Variants in CCL17 observed in about 807,000 individuals in gnomAD.
The protein encoded by CCL17 is C-C motif chemokine 17.
CCL17 carries 8 observed loss-of-function variants against 7.4 expected under a neutral mutation model. The ratio of observed to expected loss-of-function variants is 1.09; its 90% CI spans 0.64 to 1.96. The LOEUF (loss-of-function observed/expected upper bound fraction) is 1.96, where lower values mean the gene tolerates loss of function less well. Ranked by LOEUF, CCL17 falls within the 30% of genes most tolerant of loss-of-function variation. CCL17 has a pLI of 0.00. For missense variants in CCL17, 102 were observed against 113.0 expected, an observed-to-expected ratio of 0.90 and a Z score of 0.44; for synonymous variants, 40 against 46.1, an observed-to-expected ratio of 0.87 and a Z score of 0.54.
chr16:57,415,799 G>A lies in CCL17; in HGVS notation c.223G>A (p.Asp75Asn). 1 of 1,613,680 alleles carries A rather than the reference G, an allele frequency of 6.2e-7. No individual in the cohort carries two copies. Among genetic ancestry groups the A allele is most frequent in the Non-Finnish European group, 8.5e-7 (1 of 1,179,564 alleles). The change falls in exon 4 of 4, where the codon GAC (aspartate) becomes AAC (asparagine). Residue 75 changes from aspartate to asparagine, a missense_variant. By Grantham distance (23) the Asp-to-Asn change is conservative. Coordinates refer to ENST00000219244, the MANE Select transcript of CCL17 (RefSeq NM_002987.3). This position sits in a 1 kb window ranked among gnomAD's most constrained non-coding sequence, Gnocchi z 4.5. Reference protein sequence around the residue: ...VTVQGRAICSDPNNKRVKNAV... With the variant: ...VTVQGRAICSNPNNKRVKNAV... ...TGTGCAGGGCAGGGCCATCTGTTCG[G>A]ACCCCAACAACAAGAGAGTGAAGAA...
chr16:57,402,379 C>T (rs1168170548), upstream of CCL17, among the ~76,000 whole-genome samples: 1 of 152,188 alleles, frequency 6.6e-6, no homozygotes, highest in African/African-American at 2.4e-5. Context: ...GAGGCTTCTT[C>T]CCAGGATGCT....
chr16:57,411,218 A>G (rs1567563477), intron 1 of CCL17, among the ~76,000 whole-genome samples: 1 of 152,068 alleles, frequency 6.6e-6, no homozygotes, highest in Admixed American at 6.5e-5. Flanking sequence ...GCATGTCCCT[A>G]TGAGGGGTCA....
At chr16:57,411,482 G>A (rs552610085) in intron 1 of CCL17, among the ~76,000 whole-genome samples, 1 of 152,340 alleles carries the variant, frequency 6.6e-6, no homozygotes, top group African/African-American at 2.4e-5. Flanking sequence ...GCAGGAAAGC[G>A]AAGAGGACTC....
At chr16:57,398,813 G>A in the CCL17 span, among the ~76,000 whole-genome samples, 1 of 152,312 alleles carries the variant, frequency 6.6e-6, no homozygotes, top group East Asian at 1.9e-4. Flanking sequence ...GTAGCCAAAA[G>A]TAAATCATCC....
chr16:57,413,962 C>A lies in CCL17; in HGVS notation c.30C>A (p.Val10=), dbSNP rs752055651. 74 of 1,610,748 alleles carry A rather than the reference C, an allele frequency of 4.6e-5. No homozygotes were observed. Among genetic ancestry groups the A allele is most frequent in the Non-Finnish European group, 6.1e-5 (72 of 1,178,790 alleles). ...CCCCACTGAAGATGCTGGCCCTGGT[C>A]ACCCTCCTCCTGGGGGCTTCTCTGC... The part of the protein sequence containing the change: MAPLKMLAL[V]TLLLGASLQH... Residue 10 remains valine, a synonymous_variant, in exon 2 of 4, where the codon GTC becomes GTA. Transcript: ENST00000219244.
upstream of CCL17, among the ~76,000 whole-genome samples, chr16:57,401,524 GAAA>G (rs148565902): frequency 8.1e-6 from 1 of 124,118 alleles, no homozygotes; most frequent in Non-Finnish European, 1.7e-5. Context: ...ACTCTGTCTG[GAAA>G]AAAAAAAAAA....
chr16:57,405,642 G>A (rs1159448726), intron 1 of CCL17, among the ~76,000 whole-genome samples: 1 of 152,172 alleles, frequency 6.6e-6, no homozygotes, highest in Non-Finnish European at 1.5e-5. Flanking sequence ...AAGGCAGAGA[G>A]AGCTGAGGGG....
At chr16:57,401,566 G>A (rs1902592089), upstream of CCL17, among the ~76,000 whole-genome samples, 1 of 151,836 alleles carries the variant, frequency 6.6e-6, no homozygotes, top group African/African-American at 2.4e-5. Flanking sequence ...CATGAACAAT[G>A]CTATATATTG....
intron 1 of CCL17, among the ~76,000 whole-genome samples, chr16:57,411,937 C>T (rs1288194183): frequency 2.0e-5 from 3 of 152,154 alleles, no homozygotes; most frequent in Non-Finnish European, 2.9e-5. Flanking sequence ...CTCCCCTCCC[C>T]CTCCTCTGCA....
intron 1 of CCL17, among the ~76,000 whole-genome samples, chr16:57,409,822 CA>C (rs770306955): frequency 1.8e-4 from 27 of 152,108 alleles, no homozygotes; most frequent in Admixed American, 1.3e-3. Flanking sequence ...ATTTTGGGGT[CA>C]GGGGTGGAAA....
upstream of CCL17, among the ~76,000 whole-genome samples, chr16:57,402,285 C>T (rs1902605277): frequency 6.6e-6 from 1 of 152,242 alleles, no homozygotes. Flanking sequence ...GTCGTGACCC[C>T]ATTCCCTGCT....
At chr16:57,414,927 CACAT>C (rs1902844534) in intron 2 of CCL17, among the ~76,000 whole-genome samples, 150 bp from the exon 3 acceptor site, 1 of 152,020 alleles carries the variant, frequency 6.6e-6, no homozygotes, top group South Asian at 2.1e-4. Context: ...CAGACACACA[CACAT>C]ACACATAGGC....
rs1198659811 is a variant in CCL17, at chr16:57,404,816, G to C, written c.-80G>C. The C allele has an allele frequency of 6.5e-6, 1 of 154,382 alleles. No homozygotes were observed. The highest frequency in any genetic ancestry group is 1.5e-5 in the Non-Finnish European group (1 of 68,224). The allele number at this position is 154,382 out of a possible 1,614,324, so 9.6% of individuals were successfully genotyped here. A position where few individuals can be genotyped will look rare whatever the true frequency, so the allele number is the denominator to read the frequency against. ...TCACAGTGTCACCGCCTGCTGATGG[G>C]AGAGCTGAATTCAAAACCAGGTGAC... On this transcript the variant is annotated 5_prime_UTR_variant, in exon 1 of 4. Transcript: ENST00000219244.
the CCL17 span, among the ~76,000 whole-genome samples, chr16:57,398,835 G>A: frequency 1.2e-4 from 18 of 152,172 alleles, no homozygotes; most frequent in African/African-American, 4.3e-4. Context: ...CATACTGAAG[G>A]ACCAGAGTCC....
intron 2 of CCL17, among the ~76,000 whole-genome samples, chr16:57,414,773 CGCACAGAT>C (rs1902841590): frequency 6.6e-6 from 1 of 151,976 alleles, no homozygotes; most frequent in Non-Finnish European, 1.5e-5. Flanking sequence ...TACAGGGACG[CGCACAGAT>C]GCACAGAGAC....
chr16:57,408,089 A>T (rs1289204412), intron 1 of CCL17, among the ~76,000 whole-genome samples: 1 of 151,178 alleles, frequency 6.6e-6, no homozygotes, highest in Admixed American at 6.6e-5. Flanking sequence ...CCATCTACCC[A>T]TCCATTTATC....
At chr16:57,413,747 TCTC>T (rs1369638141) in intron 1 of CCL17, 124 bp from the exon 2 acceptor site, 4 of 504,094 alleles carry the variant, frequency 7.9e-6, no homozygotes, top group Non-Finnish European at 1.4e-5. Flanking sequence ...GAGCTAGACT[TCTC>T]CTGAATCATC....
chr16:57,412,853 C>T (rs902844973), intron 1 of CCL17, among the ~76,000 whole-genome samples: 5 of 152,192 alleles, frequency 3.3e-5, no homozygotes, highest in Admixed American at 2.6e-4. Context: ...GGGACTGACC[C>T]GCATGCAGTG....
In CCL17 at chr16:57,415,318, C is replaced by T. The variant is rs1902852780; in HGVS notation, c.188+120C>T. 1.7e-5 allele frequency: 12 copies of T among 710,392 alleles called. No homozygotes were observed. The highest frequency in any genetic ancestry group is 1.6e-4 in the South Asian group (10 of 64,114). 44.0% of individuals were successfully genotyped at this position (710,392 alleles called of 1,614,324 possible). A position where few individuals can be genotyped will look rare whatever the true frequency, so the allele number is the denominator to read the frequency against. On this transcript the variant is annotated intron_variant, in intron 3 of 3. Coordinates refer to ENST00000219244, the MANE Select transcript of CCL17 (RefSeq NM_002987.3). This position sits in a 1 kb window ranked among gnomAD's most constrained non-coding sequence, Gnocchi z 4.5. ...GAGACAGCGGGGCCTTCCTCCCCAA[C>T]CCCTGCAGGCTCCCCACACTGTGGG... is the stretch of plus-strand genomic sequence containing the variant.
Sources: gnomAD v4.1 joint callset for allele counts (sites outside exome capture counted in the v4.1 genomes callset) on GRCh38, gnomAD v4.1.1 for gene constraint, Gnocchi (gnomAD v3.1) non-coding constraint, MANE v1.5 for transcripts, NCBI Gene and HGNC (gene_info 2026-07-23, HGNC 2026-07-21) for gene names.